Variants in USPL1 observed in about 807,000 individuals in gnomAD.
USPL1 encodes SUMO-specific isopeptidase USPL1.
USPL1 carries 27 observed loss-of-function variants against 51.5 expected under a neutral mutation model. That is an observed-to-expected ratio of 0.52 (90% CI 0.39 to 0.72). The LOEUF is 0.72. USPL1 is among the 30% of genes least tolerant of loss of function. The pLI, the probability that USPL1 is intolerant of heterozygous loss-of-function variation, is 0.00. For synonymous variants in USPL1, 451 were observed against 459.6 expected (o/e 0.98, Z 0.24); for missense variants, 1,226 against 1,268.0 (o/e 0.97, Z 0.50).
chr13:30,637,834 A>T lies in USPL1; in HGVS notation c.959A>T (p.Gln320Leu). The T allele has an allele frequency of 6.2e-7, 1 of 1,613,682 alleles. No homozygotes were observed. Among genetic ancestry groups the T allele is most frequent in the Middle Eastern group, 1.7e-4 (1 of 6,056 alleles). Residue 320 changes from glutamine (Q) to leucine (L), a missense_variant, in exon 5 of 9, where the codon CAG becomes CTG. Coordinates refer to ENST00000255304, the MANE Select transcript of USPL1 (RefSeq NM_005800.5). ...EVRDEIFISL[Q>L]PQLRCTLGDM... is the part of the protein sequence containing the mutation. ...AGAGATGAAATTTTTATTAGCCTTC[A>T]GCCCCAGCTTAGATGCACATTAGGT... is the stretch of plus-strand genomic sequence containing the variant.
rs1011457551 is a variant in USPL1 at position 30,659,946 on chromosome 13, CCTCTCAGCT to C, written c.*594_*602del. 5.2e-4 allele frequency: 79 copies of C among 152,460 alleles called. No homozygotes were observed. The highest frequency in any genetic ancestry group is 1.8e-3 in the African/African-American group (76 of 41,516). 9.4% of individuals were successfully genotyped at this position (152,460 alleles called of 1,614,324 possible). On this transcript the variant is annotated 3_prime_UTR_variant, in exon 9 of 9. Coordinates refer to ENST00000255304, the MANE Select transcript of USPL1 (RefSeq NM_005800.5). Reference sequence around the variant, plus strand: ...AGAAAAGGCCCTGGAGAGGGTGACTCCTCTCAGCTCTCAGCAGAGAAGCAGCCCTGGAGA... The same window carrying C: ...AGAAAAGGCCCTGGAGAGGGTGACTCCTCAGCAGAGAAGCAGCCCTGGAGA...
At chr13:30,652,654 C>A (rs1386593329) in intron 7 of USPL1, among the ~76,000 whole-genome samples, 1 of 152,074 alleles carries the variant, frequency 6.6e-6, no homozygotes. Flanking sequence ...TTTGACAGGC[C>A]CCCTTTGCTT....
intron 1 of USPL1, among the ~76,000 whole-genome samples, chr13:30,620,035 C>T (rs2137594896): frequency 6.6e-6 from 1 of 152,224 alleles, no homozygotes; most frequent in Middle Eastern, 3.4e-3. Flanking sequence ...AAATTTCTGT[C>T]TTATGGTTAT....
At chr13:30,626,413 AAATAAAGT>A (rs769967392) in intron 3 of USPL1, among the ~76,000 whole-genome samples, 46 of 152,340 alleles carry the variant, frequency 3.0e-4, no homozygotes, top group Non-Finnish European at 5.1e-4. Flanking sequence ...CAGTGTTCAT[AAATAAAGT>A]TTTACCGGAA....
chr13:30,633,441 A>G (rs1277076470), intron 4 of USPL1, among the ~76,000 whole-genome samples: 1 of 152,118 alleles, frequency 6.6e-6, no homozygotes, highest in African/African-American at 2.4e-5. Flanking sequence ...GTTTTTCCCT[A>G]TACATACATA....
Position 30,659,364 on chromosome 13 carries a change from C to T in USPL1, c.*8C>T, listed in dbSNP as rs1951224364. ...CTGTTTGAGAATTATTGAATTAATG[C>T]TTGTTAACTTTTTTCATATAATATT... On this transcript the variant is annotated 3_prime_UTR_variant, in exon 9 of 9. Transcript: ENST00000255304. The T allele has an allele frequency of 6.4e-7, 1 of 1,553,490 alleles. No homozygotes were observed. The highest frequency in any genetic ancestry group is 1.9e-4 in the Middle Eastern group (1 of 5,184).
intron 3 of USPL1, among the ~76,000 whole-genome samples, chr13:30,626,346 A>AAATC (rs1555247206): frequency 2.1e-5 from 3 of 140,930 alleles, no homozygotes; most frequent in East Asian, 2.0e-4. Flanking sequence ...ATAAATAAAT[A>AAATC]AATCAAAAGA....
rs1291767074 is a variant in USPL1, at chr13:30,620,383, T to G, written c.-68-690T>G. Among the ~76,000 whole-genome samples the G allele has an allele frequency of 2.6e-5, 4 of 152,346 alleles. No individual in the cohort carries two copies. In the South Asian group the frequency reaches 6.2e-4, roughly 24 times the overall value. ...GCTCTTAATTATTTTTTGCTTACAC[T>G]GAGCTCCGGTCTCTTGTAATTTTTA... On this transcript the variant is annotated intron_variant, in intron 1 of 8. Transcript: ENST00000255304.
intron 6 of USPL1, among the ~76,000 whole-genome samples, chr13:30,644,954 T>C (rs537683018): frequency 6.2e-4 from 95 of 152,328 alleles, no homozygotes; most frequent in Non-Finnish European, 1.2e-3. Context: ...CTATCATTGC[T>C]TTATATAAAT....
chr13:30,629,615 C>G (rs1004306138), intron 3 of USPL1, among the ~76,000 whole-genome samples: 1 of 152,188 alleles, frequency 6.6e-6, no homozygotes, highest in African/African-American at 2.4e-5. Flanking sequence ...TTGGTACTAG[C>G]TGCTAGCTGG....
Position 30,621,626 on chromosome 13 carries a change from TG to T in USPL1, c.100-137del, listed in dbSNP as rs1593357159. 100 of 603,254 alleles carry T rather than the reference TG, an allele frequency of 1.7e-4. No homozygotes were observed. In the East Asian group the frequency reaches 3.6e-3, roughly 22 times the overall value. 37.4% of individuals were successfully genotyped at this position (603,254 alleles called of 1,614,324 possible). ...AAGGCTTATATGCATTTCTTTTGTT[TG>T]CCATGTTTAAAATACCTTGTCAGGA... is the stretch of plus-strand genomic sequence containing the variant. On this transcript the variant is annotated intron_variant, in intron 2 of 8. Coordinates refer to ENST00000255304, the MANE Select transcript of USPL1 (RefSeq NM_005800.5).
At chr13:30,655,703 C>G (rs1283052323) in intron 8 of USPL1, among the ~76,000 whole-genome samples, 1 of 152,134 alleles carries the variant, frequency 6.6e-6, no homozygotes, top group Non-Finnish European at 1.5e-5. Context: ...AAAATGATGA[C>G]CACTGTGTTG....
At chr13:30,627,479 G>A (rs1214126493) in intron 3 of USPL1, among the ~76,000 whole-genome samples, 3 of 151,426 alleles carry the variant, frequency 2.0e-5, no homozygotes, top group Non-Finnish European at 4.4e-5. Context: ...AAATCACTAA[G>A]TTTTGCAGTC....
chr13:30,631,308 T>C lies in USPL1; in HGVS notation c.702T>C (p.Ala234=), dbSNP rs1177450161. 1.9e-6 allele frequency: 3 copies of C among 1,614,144 alleles called. No homozygotes were observed. The highest frequency in any genetic ancestry group is 3.3e-5 in the Admixed American group (2 of 60,022). Residue 234 remains alanine, a synonymous_variant, in exon 4 of 9, where the codon GCT becomes GCC. Coordinates refer to ENST00000255304, the MANE Select transcript of USPL1 (RefSeq NM_005800.5). The part of the protein sequence containing the change: ...ALCVQWKNAY[A]LCWLDCILSA... ...GTGTCCAGTGGAAAAATGCTTATGC[T>C]CTCTGTTGGTTAGACTGTATCCTGT...
Position 30,657,752 on chromosome 13 carries a change from A to C in USPL1, c.1675A>C (p.Thr559Pro). Residue 559 changes from threonine to proline, a missense_variant, in exon 9 of 9, where the codon ACT becomes CCT. Transcript: ENST00000255304. The part of the protein sequence containing the change: ...HPKDISVAPR[T>P]LSQDTAVTHG... ...TAAAGATATATCAGTTGCCCCTCGT[A>C]CTCTTTCACAGGACACAGCTGTAAC... The C allele has an allele frequency of 6.2e-7, 1 of 1,614,016 alleles. No individual in the cohort carries two copies. Among genetic ancestry groups the C allele is most frequent in the African/African-American group, 1.3e-5 (1 of 74,978 alleles).
At chr13:30,629,683 A>T (rs968640380) in intron 3 of USPL1, among the ~76,000 whole-genome samples, 2 of 152,148 alleles carry the variant, frequency 1.3e-5, no homozygotes, top group South Asian at 4.1e-4. Flanking sequence ...GGTTCTCTCC[A>T]TGAGGCCAGC....
intron 8 of USPL1, among the ~76,000 whole-genome samples, chr13:30,656,315 G>A (rs557782964): frequency 1.4e-5 from 2 of 138,082 alleles, no homozygotes; most frequent in East Asian, 2.0e-4. Context: ...TCACCATCAG[G>A]ACTTTTTCAT....
At chr13:30,621,314 G>C in intron 2 of USPL1, 75 bp downstream of exon 2, 1 of 1,101,520 alleles carries the variant, frequency 9.1e-7, no homozygotes, top group Non-Finnish European at 1.3e-6. Context: ...ATTCAATTTT[G>C]ATGTTACCAG....
chr13:30,626,488 A>G (rs966629696), intron 3 of USPL1, among the ~76,000 whole-genome samples: 4 of 152,218 alleles, frequency 2.6e-5, no homozygotes, highest in African/African-American at 9.6e-5. Flanking sequence ...ATACAACAAC[A>G]GAGTTGGGTA....
Sources: gnomAD v4.1 joint callset for allele counts (sites outside exome capture counted in the v4.1 genomes callset) on GRCh38, gnomAD v4.1.1 for gene constraint, MANE v1.5 for transcripts, NCBI Gene and HGNC (gene_info 2026-07-23, HGNC 2026-07-21) for gene names.